Variants in KYNU observed in about 807,000 individuals in gnomAD.
The protein encoded by KYNU is L-kynurenine hydrolase.
A neutral mutation model predicts 59.2 loss-of-function variants in KYNU; 54 were observed. The ratio of observed to expected loss-of-function variants is 0.91; its 90% confidence interval spans 0.73 to 1.14. The LOEUF (loss-of-function observed/expected upper bound fraction) is 1.14. Among genes scored for constraint, KYNU ranks in the 50% most tolerant of loss-of-function variants. KYNU has a pLI of 0.00. For missense variants in KYNU, 567 were observed against 554.4 expected (o/e 1.02, Z -0.23); for synonymous variants, 177 against 192.0 (o/e 0.92, Z 0.65).
At position 142,902,698 on chromosome 2, in the gene KYNU, AG is replaced by A. The variant is rs1474216061; in HGVS notation, c.170-15910del. Among the ~76,000 whole-genome samples the A allele has an allele frequency of 2.0e-5, 3 of 152,340 alleles. No individual in the cohort carries two copies. In the East Asian group the frequency reaches 5.8e-4, roughly 29 times the overall value. ...GCCACAAGTGGTGAGGAAGTTTAAAAGCGCTTGGGTGGCTTGATGGCACAAG... is the reference window on the plus strand; with the variant it reads ...GCCACAAGTGGTGAGGAAGTTTAAAACGCTTGGGTGGCTTGATGGCACAAG... On this transcript the variant is annotated intron_variant, in intron 2 of 13. Coordinates refer to ENST00000264170, the MANE Select transcript of KYNU (RefSeq NM_003937.3).
chr2:142,917,116 A>G (rs1682689404), intron 2 of KYNU, among the ~76,000 whole-genome samples: 2 of 152,248 alleles, frequency 1.3e-5, no homozygotes, highest in Non-Finnish European at 2.9e-5. Context: ...AAATAATCCT[A>G]AAGAACAGGA....
At chr2:143,003,760 G>T (rs1426137594) in intron 10 of KYNU, among the ~76,000 whole-genome samples, 1 of 152,034 alleles carries the variant, frequency 6.6e-6, no homozygotes, top group Non-Finnish European at 1.5e-5. Context: ...AGATAACAAG[G>T]CCATTTTGAA....
rs1161471911 is a variant in KYNU at position 142,954,825 on chromosome 2, A to C, written c.389A>C (p.Glu130Ala). ...MKDIVGANEK[E>A]IALMNALTVN... ...TATTTTACAGGAGCCAATGAGAAAGAAATAGCCCTAATGAATGCTTTGACT... is the reference window on the plus strand; with the variant it reads ...TATTTTACAGGAGCCAATGAGAAAGCAATAGCCCTAATGAATGCTTTGACT... Residue 130 changes from glutamate to alanine, a missense_variant, in exon 5 of 14, where the codon GAA becomes GCA. Physicochemically the swap from Glu to Ala is moderately radical, Grantham distance 107. Transcript: ENST00000264170. 1 of 1,600,064 alleles carries C rather than the reference A, an allele frequency of 6.2e-7. No homozygotes were observed. Among genetic ancestry groups the C allele is most frequent in the Non-Finnish European group, 8.6e-7 (1 of 1,167,742 alleles).
chr2:142,908,444 A>G (rs1425323766), intron 2 of KYNU, among the ~76,000 whole-genome samples: 2 of 151,882 alleles, frequency 1.3e-5, no homozygotes, highest in African/African-American at 2.4e-5. Context: ...TTAATGGGTA[A>G]ATTAAATGCC....
At chr2:143,033,205 C>T (rs771079679) in intron 11 of KYNU, 31 bp from the exon 12 acceptor site, 11 of 1,458,820 alleles carry the variant, frequency 7.5e-6, no homozygotes, top group African/African-American at 1.4e-5. Flanking sequence ...AAGTTACCTT[C>T]TATGATAATG....
At chr2:142,991,752 C>T (rs1685404363) in intron 10 of KYNU, among the ~76,000 whole-genome samples, 1 of 151,806 alleles carries the variant, frequency 6.6e-6, no homozygotes, top group Non-Finnish European at 1.5e-5. Flanking sequence ...TCCTCTTGCC[C>T]AAAAGTATCT....
chr2:142,877,912 A>C (rs1269593094), intron 1 of KYNU, among the ~76,000 whole-genome samples, 176 bp downstream of exon 1: 2 of 152,134 alleles, frequency 1.3e-5, no homozygotes, highest in Admixed American at 1.3e-4. Context: ...GACCTTCCTA[A>C]AGGCCCCACC....
intron 12 of KYNU, among the ~76,000 whole-genome samples, chr2:143,034,718 G>A (rs1053203971): frequency 3.3e-5 from 5 of 152,158 alleles, no homozygotes; most frequent in Admixed American, 2.0e-4. Context: ...AATGATATTT[G>A]AGTTGTTTTT....
chr2:142,982,086 A>G (rs1685067760), intron 8 of KYNU, among the ~76,000 whole-genome samples: 1 of 152,144 alleles, frequency 6.6e-6, no homozygotes, highest in Non-Finnish European at 1.5e-5. Flanking sequence ...AAGTGTTAGA[A>G]CACTTCTAAA....
intron 10 of KYNU, among the ~76,000 whole-genome samples, chr2:142,999,938 G>T (rs59300221): frequency 6.6e-6 from 1 of 151,902 alleles, no homozygotes; most frequent in Non-Finnish European, 1.5e-5. Context: ...TTACCAAGTT[G>T]CAATTTTTTC....
intron 12 of KYNU, among the ~76,000 whole-genome samples, chr2:143,036,277 A>C (rs1246392327): frequency 6.6e-6 from 1 of 152,094 alleles, no homozygotes. Flanking sequence ...TTGCCATGAG[A>C]GTACACCGAA....
Position 143,015,442 on chromosome 2 carries a change from T to C in KYNU, c.903-14185T>C, listed in dbSNP as rs1000939246. Reference sequence around the variant, plus strand: ...GCGCCAAGTAGAGTGAATAAGTGTGTGGTAATTATTCACAGTGTCAATGCA... The same window carrying C: ...GCGCCAAGTAGAGTGAATAAGTGTGCGGTAATTATTCACAGTGTCAATGCA... On this transcript the variant is annotated intron_variant, in intron 10 of 13. Coordinates refer to ENST00000264170, the MANE Select transcript of KYNU (RefSeq NM_003937.3). Among the ~76,000 whole-genome samples, 3 of 152,112 alleles carry C rather than the reference T, an allele frequency of 2.0e-5. No homozygotes were observed. The South Asian group carries it at 6.2e-4, about 32-fold the overall frequency.
At chr2:143,013,130 G>T (rs1456522785) in intron 10 of KYNU, among the ~76,000 whole-genome samples, 2 of 152,040 alleles carry the variant, frequency 1.3e-5, no homozygotes, top group Non-Finnish European at 2.9e-5. Context: ...CACGTAGCTG[G>T]GACTACAAGT....
At chr2:142,995,560 AG>A (rs1685515675) in intron 10 of KYNU, among the ~76,000 whole-genome samples, 1 of 152,118 alleles carries the variant, frequency 6.6e-6, no homozygotes. Context: ...GAATTGATAG[AG>A]ATCTTTTTAA....
chr2:142,923,296 C>T (rs1378847978), intron 3 of KYNU, among the ~76,000 whole-genome samples: 1 of 152,152 alleles, frequency 6.6e-6, no homozygotes, highest in Non-Finnish European at 1.5e-5. Flanking sequence ...TTTGCATTTT[C>T]ATTTTCAACT....
chr2:143,017,387 A>G (rs1353276879), intron 10 of KYNU, among the ~76,000 whole-genome samples: 1 of 145,794 alleles, frequency 6.9e-6, no homozygotes, highest in African/African-American at 2.5e-5. Flanking sequence ...TCTTTTCTCC[A>G]CAGGCTCACC....
At chr2:142,912,176 C>T (rs1268190930) in intron 2 of KYNU, among the ~76,000 whole-genome samples, 1 of 151,968 alleles carries the variant, frequency 6.6e-6, no homozygotes, top group Non-Finnish European at 1.5e-5. Flanking sequence ...ATTCATCTGG[C>T]ACAGGACTTT....
chr2:142,904,837 T>G (rs112924730), intron 2 of KYNU, among the ~76,000 whole-genome samples: 3 of 152,138 alleles, frequency 2.0e-5, no homozygotes, highest in Non-Finnish European at 4.4e-5. Context: ...TGCTCACCAA[T>G]GTAGCAGTCC....
intron 4 of KYNU, among the ~76,000 whole-genome samples, chr2:142,949,374 T>C (rs1573827613): frequency 6.6e-6 from 1 of 152,228 alleles, no homozygotes; most frequent in Non-Finnish European, 1.5e-5. Context: ...CCTTCTGCAC[T>C]GCCCTAGCAG....
Sources: gnomAD v4.1 joint callset for allele counts (sites outside exome capture counted in the v4.1 genomes callset) on GRCh38, gnomAD v4.1.1 for gene constraint, MANE v1.5 for transcripts, NCBI Gene and HGNC (gene_info 2026-07-23, HGNC 2026-07-21) for gene names.